Variants in EEF2KMT observed in about 807,000 individuals in gnomAD.
EEF2KMT encodes protein-lysine N-methyltransferase EEF2KMT.
EEF2KMT carries 30 observed loss-of-function variants against 35.1 expected under a neutral mutation model. The ratio of observed to expected loss-of-function variants is 0.85; its 90% CI spans 0.64 to 1.16. EEF2KMT has a LOEUF of 1.16. EEF2KMT is among the 50% of genes most tolerant of loss of function. The pLI, the probability that EEF2KMT is intolerant of heterozygous loss-of-function variation, is 0.00. For synonymous variants in EEF2KMT, 190 were observed against 187.7 expected (o/e 1.01, Z -0.10); for missense variants, 499 against 438.2 (o/e 1.14, Z -1.24).
Position 5,097,735 on chromosome 16 carries a change from G to C in EEF2KMT, c.5C>G (p.Ala2Gly). The change falls in exon 1 of 8, where the codon GCG (alanine) becomes GGG (glycine). Residue 2 changes from alanine (A) to glycine (G), a missense_variant. Ala to Gly is a moderately conservative substitution (Grantham distance 60, BLOSUM62 0). Transcript: ENST00000427587. ...TTCGGTCCCCGCGTTCTCCTCGGGC[G>C]CCATGACGTGGGCGGGGCCGCAGCG... M[A>G]PEENAGTELL... is the part of the protein sequence containing the mutation. 6.4e-7 allele frequency: 1 copy of C among 1,561,626 alleles called. No individual in the cohort carries two copies. The highest frequency in any genetic ancestry group is 1.9e-5 in the Admixed American group (1 of 53,718).
rs1300934938 is a variant in EEF2KMT at position 5,085,657 on chromosome 16, ATC to A, written c.966_967del (p.Glu322AspfsTer65). On this transcript the variant is annotated frameshift_variant, in exon 8 of 8. Transcript: ENST00000427587. LOFTEE classifies it high-confidence loss of function. ...CTACAGGGTGAGATTCAGCATTGCCATCTCCAAGTGCTCTTCGTAGGGAAACA... is the reference window on the plus strand; with the variant it reads ...CTACAGGGTGAGATTCAGCATTGCCATCCAAGTGCTCTTCGTAGGGAAACA... 1.2e-6 allele frequency: 2 copies of A among 1,611,320 alleles called. No individual in the cohort carries two copies. The highest frequency in any genetic ancestry group is 1.7e-6 in the Non-Finnish European group (2 of 1,179,370).
chr16:5,096,818 CTGAA>C (rs1957478645), intron 1 of EEF2KMT, among the ~76,000 whole-genome samples: 1 of 152,238 alleles, frequency 6.6e-6, no homozygotes, highest in East Asian at 1.9e-4. Context: ...ACAGTCAATA[CTGAA>C]TGGAGACCTA....
chr16:5,097,534 C>T, intron 1 of EEF2KMT, 110 bp downstream of exon 1: 2 of 1,497,748 alleles, frequency 1.3e-6, no homozygotes, highest in Non-Finnish European at 1.8e-6. Context: ...CGGCGGGAGC[C>T]CAGGAACTCA....
intron 1 of EEF2KMT, 194 bp downstream of exon 1, chr16:5,097,450 G>C (rs1398685709): frequency 7.1e-7 from 1 of 1,416,376 alleles, no homozygotes; most frequent in Non-Finnish European, 9.3e-7. Flanking sequence ...TCCCCCGCCA[G>C]CTCGCGGGGC....
chr16:5,090,510 G>C lies in EEF2KMT; in HGVS notation c.398C>G (p.Thr133Ser). The change falls in exon 5 of 8, where the codon ACC becomes AGC. Residue 133 changes from threonine to serine, a missense_variant. Physicochemically the swap from Thr to Ser is moderately conservative, Grantham distance 58 (BLOSUM62 1). Transcript: ENST00000427587. The surrounding 1 kb of genome is among the most constrained non-coding windows in gnomAD (Gnocchi z 4.1). ...SESTAIISYG[T>S]TGLVTWDAAL... ...GGCGTCCCATGTGACCAGGCCTGTG[G>C]TACCGTAGGAGATGATGGCCGTGCT... The C allele has an allele frequency of 3.1e-6, 5 of 1,612,034 alleles. No homozygotes were observed. Among genetic ancestry groups the C allele is most frequent in the Non-Finnish European group, 3.4e-6 (4 of 1,179,858 alleles).
rs1015318077 is a variant in EEF2KMT, at chr16:5,089,340, G to C, written c.743-84C>G. ...ACGTCAGCAGCAGGGCGAGGCCAGA[G>C]AGGCAGCGGTCATATGAGACTAGTA... On this transcript the variant is annotated intron_variant, in intron 6 of 7. Transcript: ENST00000427587. 9 of 1,562,642 alleles carry C rather than the reference G, an allele frequency of 5.8e-6. No homozygotes were observed. The African/African-American group carries it at 9.4e-5, about 16-fold the overall frequency.
intron 2 of EEF2KMT, among the ~76,000 whole-genome samples, chr16:5,094,970 T>G (rs902813896): frequency 3.3e-5 from 5 of 152,190 alleles, no homozygotes; most frequent in African/African-American, 1.2e-4. Flanking sequence ...AAGGCCAAGG[T>G]CAGGCTGTGG....
rs575769474 is a variant in EEF2KMT, at chr16:5,084,415, C to G, written c.*1217G>C. ...AGTTTAGCAAGGCTGCAAAGAACAC[C>G]GACACCCCCTTGTTACCCACAGATG... On this transcript the variant is annotated 3_prime_UTR_variant, in exon 8 of 8. Coordinates refer to ENST00000427587, the MANE Select transcript of EEF2KMT (RefSeq NM_201400.4). 4.0e-6 allele frequency: 2 copies of G among 498,148 alleles called. No homozygotes were observed. Among genetic ancestry groups the G allele is most frequent in the African/African-American group, 1.9e-5 (1 of 51,726 alleles). The allele number at this position is 498,148 out of a possible 1,614,324, so 30.9% of individuals were successfully genotyped here.
chr16:5,085,288 G>T lies in EEF2KMT; in HGVS notation c.*344C>A, dbSNP rs558389580. 5.1e-5 allele frequency: 25 copies of T among 491,930 alleles called. No individual in the cohort carries two copies. Among genetic ancestry groups the T allele is most frequent in the South Asian group, 4.7e-4 (22 of 46,696 alleles). The allele number at this position is 491,930 out of a possible 1,614,324, so 30.5% of individuals were successfully genotyped here. ...TAAGCCCAGGGATGTGGCAGCTGCA[G>T]TGGGCTTGGCTTTGTGAGGAACTGA... is the stretch of plus-strand genomic sequence containing the variant. On this transcript the variant is annotated 3_prime_UTR_variant, in exon 8 of 8. Coordinates refer to ENST00000427587, the MANE Select transcript of EEF2KMT (RefSeq NM_201400.4).
chr16:5,097,568 C>T (rs1957499974), intron 1 of EEF2KMT, 76 bp downstream of exon 1: 2 of 1,524,626 alleles, frequency 1.3e-6, no homozygotes, highest in African/African-American at 1.4e-5. Flanking sequence ...CCAGGGGCTT[C>T]AGCACGGAGA....
Position 5,085,725 on chromosome 16 carries a change from G to C in EEF2KMT, c.900C>G (p.Ala300=), listed in dbSNP as rs761761355. ...GAGGTTCCACTTCCCATCTGATCCC[G>C]GCCCGGCCTGGAAACAGAGCACATG... is the stretch of plus-strand genomic sequence containing the variant. ...CQLFTTELGR[A]GIRWEVEPRH... The change falls in exon 8 of 8, where the codon GCC becomes GCG. Residue 300 remains alanine (A), a synonymous_variant. Transcript: ENST00000427587. 6.2e-7 allele frequency: 1 copy of C among 1,610,972 alleles called. No homozygotes were observed.
rs757019314 is a variant in EEF2KMT, at chr16:5,089,150, G to C, written c.849C>G (p.Thr283=). The change falls in exon 7 of 8, where the codon ACC becomes ACG. Residue 283 remains threonine (T), a synonymous_variant. Coordinates refer to ENST00000427587, the MANE Select transcript of EEF2KMT (RefSeq NM_201400.4). ...QRAPEVYVAF[T]VRNPETCQLF... Reference sequence around the variant, plus strand: ...GCTGGCACGTCTCTGGGTTGCGGACGGTAAAGGCCACGTAGACCTCAGGAG... The same window carrying C: ...GCTGGCACGTCTCTGGGTTGCGGACCGTAAAGGCCACGTAGACCTCAGGAG... 2.5e-6 allele frequency: 4 copies of C among 1,612,504 alleles called. No individual in the cohort carries two copies. The highest frequency in any genetic ancestry group is 2.5e-6 in the Non-Finnish European group (3 of 1,179,872).
At chr16:5,093,608 A>G (rs759327911) in intron 2 of EEF2KMT, 44 bp from the exon 3 acceptor site, 15 of 1,599,382 alleles carry the variant, frequency 9.4e-6, no homozygotes, top group Admixed American at 1.7e-5. Flanking sequence ...AGCCCGTCTT[A>G]AGTCTCCTAT....
intron 6 of EEF2KMT, 112 bp from the exon 7 acceptor site, chr16:5,089,368 T>C: frequency 7.0e-7 from 1 of 1,433,912 alleles, no homozygotes; most frequent in Non-Finnish European, 9.4e-7. Flanking sequence ...GACTAGTAGA[T>C]GCCATTTGAC....
At position 5,091,769 on chromosome 16, in the gene EEF2KMT, G is replaced by C. The variant is rs758922886; in HGVS notation, c.342+25C>G. 11 of 1,610,944 alleles carry C rather than the reference G, an allele frequency of 6.8e-6. No individual in the cohort carries two copies. In the Admixed American group the frequency reaches 1.2e-4, roughly 17 times the overall value. ...GCAGGAAGGGTATCTGGGCTGTGAG[G>C]GGGAGGAGGGTGCCCTTCTCATACC... On this transcript the variant is annotated intron_variant, in intron 4 of 7. Transcript: ENST00000427587.
In EEF2KMT at chr16:5,097,713, G is replaced by A. The variant is rs373147669; in HGVS notation, c.27C>T (p.Thr9=). The change falls in exon 1 of 8, where the codon ACC becomes ACT. Residue 9 remains threonine, a synonymous_variant. Coordinates refer to ENST00000427587, the MANE Select transcript of EEF2KMT (RefSeq NM_201400.4). ...GCTCGAAACTCTGCAGCAAGAGTTC[G>A]GTCCCCGCGTTCTCCTCGGGCGCCA... MAPEENAG[T]ELLLQSFERR... The A allele has an allele frequency of 3.8e-6, 6 of 1,574,880 alleles. No individual in the cohort carries two copies. The East Asian group carries it at 6.9e-5, about 18-fold the overall frequency.
Position 5,089,018 on chromosome 16 carries a change from T to C in EEF2KMT, c.892+89A>G, listed in dbSNP as rs560811464. The C allele has an allele frequency of 5.1e-5, 82 of 1,602,572 alleles. No individual in the cohort carries two copies. In the South Asian group the frequency reaches 8.5e-4, roughly 17 times the overall value. ...GTGGGAGTGTGGGGCAACCTAGCTT[T>C]TCCCCGGCACCCAGTTCTTTCACTT... On this transcript the variant is annotated intron_variant, in intron 7 of 7. Coordinates refer to ENST00000427587, the MANE Select transcript of EEF2KMT (RefSeq NM_201400.4).
At position 5,084,966 on chromosome 16, in the gene EEF2KMT, G is replaced by A; in HGVS notation, c.*666C>T. 6.3e-7 allele frequency: 1 copy of A among 1,592,494 alleles called. No individual in the cohort carries two copies. Reference sequence around the variant, plus strand: ...GGAGTCTCAGGGCAAACCCTTTCGAGCAGCACCTCCCAGTGGCCAGAAGCT... The same window carrying A: ...GGAGTCTCAGGGCAAACCCTTTCGAACAGCACCTCCCAGTGGCCAGAAGCT... On this transcript the variant is annotated 3_prime_UTR_variant, in exon 8 of 8. Coordinates refer to ENST00000427587, the MANE Select transcript of EEF2KMT (RefSeq NM_201400.4).
At chr16:5,094,401 T>G (rs1254154962) in intron 2 of EEF2KMT, among the ~76,000 whole-genome samples, 2 of 152,206 alleles carry the variant, frequency 1.3e-5, no homozygotes, top group Admixed American at 6.5e-5. Context: ...TAGCTGGGAC[T>G]ATAGGCATGT....
Sources: gnomAD v4.1 joint callset for allele counts (sites outside exome capture counted in the v4.1 genomes callset) on GRCh38, gnomAD v4.1.1 for gene constraint, Gnocchi (gnomAD v3.1) non-coding constraint, MANE v1.5 for transcripts, NCBI Gene and HGNC (gene_info 2026-07-23, HGNC 2026-07-21) for gene names.